Variants in CCDC57 observed in about 807,000 individuals in gnomAD.
CCDC57 encodes coiled-coil domain-containing protein 57.
Under a neutral mutation model 118.9 loss-of-function variants are expected in CCDC57, and 118 were observed. The observed-to-expected ratio is 0.99, with a 90% CI of 0.86 to 1.16. The LOEUF (loss-of-function observed/expected upper bound fraction) is 1.16, where lower values mean the gene tolerates loss of function less well. Ranked by LOEUF, CCDC57 falls within the 50% of genes most tolerant of loss-of-function variation. The pLI, the probability that CCDC57 is intolerant of heterozygous loss-of-function variation, is 0.00. For missense variants in CCDC57, 1,300 were observed against 1,320.7 expected, an observed-to-expected ratio of 0.98 and a Z score of 0.24; for synonymous variants, 527 against 532.9, an observed-to-expected ratio of 0.99 and a Z score of 0.15.
At chr17:82,187,101 G>C (rs906510456) in intron 8 of CCDC57, among the ~76,000 whole-genome samples, 15 of 151,890 alleles carry the variant, frequency 9.9e-5, no homozygotes, top group Admixed American at 8.5e-4. Flanking sequence ...GCCGGGCATA[G>C]TGGTATATGC....
rs558425086 is a variant in CCDC57, at chr17:82,199,677, G to A, written c.408-1255C>T. 9.2e-5 allele frequency among the ~76,000 whole-genome samples: 14 copies of A among 152,316 alleles called. No homozygotes were observed. The East Asian group carries it at 2.7e-3, about 29-fold the overall frequency. On this transcript the variant is annotated intron_variant, in intron 3 of 19. Transcript: ENST00000665763. ...CCGCACGGCGGGCAAGTGGGCCTCA[G>A]CTGTCCAAGCACTGCACGCACCTGC...
chr17:82,130,418 C>A (rs960311879), intron 17 of CCDC57, among the ~76,000 whole-genome samples: 10 of 151,544 alleles, frequency 6.6e-5, no homozygotes, highest in African/African-American at 2.4e-4. Context: ...TGGTCTCGAA[C>A]TCCTGACCTC....
At chr17:82,166,918 AAAC>A (rs757628876) in intron 13 of CCDC57, among the ~76,000 whole-genome samples, 120 of 152,240 alleles carry the variant, frequency 7.9e-4, no homozygotes, top group Non-Finnish European at 1.4e-3. Context: ...CCTGTCTCAA[AAAC>A]AACAACCACA....
At chr17:82,184,566 T>C (rs2046703696) in intron 8 of CCDC57, among the ~76,000 whole-genome samples, 1 of 152,226 alleles carries the variant, frequency 6.6e-6, no homozygotes, top group South Asian at 2.1e-4. Flanking sequence ...CCTGCCCACT[T>C]GCATGGGCGT....
chr17:82,184,047 A>T (rs1467829783), intron 8 of CCDC57, 115 bp from the exon 8 acceptor site: 6 of 548,946 alleles, frequency 1.1e-5, no homozygotes, highest in Non-Finnish European at 1.9e-5. Flanking sequence ...ACACACACAC[A>T]CACACACACA....
chr17:82,183,896 C>G, exon 9 of CCDC57: 1 of 1,613,618 alleles, frequency 6.2e-7, no homozygotes. Flanking sequence ...TTTGAGCATC[C>G]CAGGCAGATT....
At chr17:82,142,593 T>C (rs1224549399) in intron 16 of CCDC57, among the ~76,000 whole-genome samples, 3 of 152,142 alleles carry the variant, frequency 2.0e-5, no homozygotes, top group Non-Finnish European at 2.9e-5. Context: ...ATTATAGGCG[T>C]GAGCCGCTAT....
rs752184456 is a variant in CCDC57, at chr17:82,194,093, G to A, written c.665C>T (p.Ala222Val). Residue 222 changes from alanine (A) to valine (V), a missense_variant, in exon 6 of 20, where the codon GCA becomes GTA. Coordinates refer to ENST00000665763, the Ensembl canonical transcript of CCDC57. The stretch of plus-strand genomic sequence containing the variant: ...CCTCTGCAGACTCTCTGCAGCCTTT[G>A]CCCCGGCTTCCTTCAGAGCCTCCAG... 1.7e-5 allele frequency: 27 copies of A among 1,613,794 alleles called. No homozygotes were observed. Among genetic ancestry groups the A allele is most frequent in the East Asian group, 1.1e-4 (5 of 44,896 alleles).
At chr17:82,184,062 C>CACAA in intron 8 of CCDC57, 130 bp from the exon 8 acceptor site, 1 of 586,830 alleles carries the variant, frequency 1.7e-6, no homozygotes, top group Non-Finnish European at 3.0e-6. Flanking sequence ...CACACACACA[C>CACAA]ACACACACAC....
intron 3 of CCDC57, among the ~76,000 whole-genome samples, chr17:82,199,439 C>T (rs2048718940): frequency 1.5e-5 from 2 of 130,482 alleles, no homozygotes; most frequent in Admixed American, 2.0e-4. Flanking sequence ...GATCGCGCCA[C>T]TGCACTCCAG....
intron 11 of CCDC57, among the ~76,000 whole-genome samples, chr17:82,177,176 C>A (rs995205730): frequency 6.6e-6 from 1 of 151,666 alleles, no homozygotes; most frequent in Non-Finnish European, 1.5e-5. Context: ...GTCAGGAGTT[C>A]GAGATCAGCC....
chr17:82,124,842 A>G (rs1555682570), intron 19 of CCDC57, among the ~76,000 whole-genome samples: 2 of 152,302 alleles, frequency 1.3e-5, no homozygotes, highest in African/African-American at 2.4e-5. Context: ...CCAAGAAACG[A>G]AAGTGCTCCA....
chr17:82,201,673 T>C (rs2049013208), exon 3 of CCDC57: 2 of 1,613,250 alleles, frequency 1.2e-6, no homozygotes, highest in Admixed American at 1.7e-5. Flanking sequence ...CTCGCTCACC[T>C]CTGCCCGCCT....
intron 13 of CCDC57, among the ~76,000 whole-genome samples, chr17:82,170,663 C>T (rs1419682921): frequency 1.3e-5 from 2 of 151,862 alleles, no homozygotes; most frequent in South Asian, 2.1e-4. Flanking sequence ...CCCACCCTGC[C>T]GGCAACCTGA....
chr17:82,126,274 C>T, intron 19 of CCDC57: 1 of 579,426 alleles, frequency 1.7e-6, no homozygotes, highest in Non-Finnish European at 2.1e-6. Flanking sequence ...GAGCAAAACT[C>T]CATCTCAAAG....
chr17:82,166,386 G>A (rs2043988375), intron 13 of CCDC57, among the ~76,000 whole-genome samples: 1 of 150,324 alleles, frequency 6.7e-6, no homozygotes, highest in Non-Finnish European at 1.5e-5. Flanking sequence ...GAGGTGGTAT[G>A]TACCTATAAC....
intron 16 of CCDC57, among the ~76,000 whole-genome samples, chr17:82,146,573 G>A (rs989118198): frequency 6.6e-5 from 10 of 152,082 alleles, no homozygotes; most frequent in African/African-American, 9.7e-5. Flanking sequence ...TGGGGAGGAC[G>A]GCCTTCCCAA....
chr17:82,114,602 A>G (rs1363822684), intron 19 of CCDC57, among the ~76,000 whole-genome samples: 1 of 152,100 alleles, frequency 6.6e-6, no homozygotes, highest in Non-Finnish European at 1.5e-5. Context: ...CTGCAGGGCC[A>G]CAGTGACTAG....
intron 19 of CCDC57, chr17:82,127,426 G>GCATT (rs2037635404): frequency 1.0e-6 from 1 of 984,570 alleles, no homozygotes; most frequent in Non-Finnish European, 1.2e-6. Context: ...GTACGGTGCT[G>GCATT]CATTCTAAGT....
Sources: allele counts gnomAD v4.1 joint callset (sites outside exome capture counted in the v4.1 genomes callset), GRCh38; gene constraint gnomAD v4.1.1; transcripts MANE v1.5; gene names NCBI Gene and HGNC (gene_info 2026-07-23, HGNC 2026-07-21).